ROR1: variants seen among roughly 807,000 people sequenced by gnomAD.
The protein encoded by ROR1 is inactive tyrosine-protein kinase transmembrane receptor ROR1.
ROR1 carries 19 observed loss-of-function variants against 78.8 expected under a neutral mutation model. That is an observed-to-expected ratio of 0.24 (90% CI 0.17 to 0.35). ROR1 has a LOEUF of 0.35. Ranked by LOEUF, ROR1 falls within the 10% of genes least tolerant of loss-of-function variation. ROR1 has a pLI of 1.00. For synonymous variants in ROR1, 386 were observed against 433.6 expected, an observed-to-expected ratio of 0.89 and a Z score of 1.36; for missense variants, 917 against 1,177.8, an observed-to-expected ratio of 0.78 and a Z score of 3.24.
intron 1 of ROR1, among the ~76,000 whole-genome samples, chr1:63,785,146 C>G (rs1644676344): frequency 6.6e-6 from 1 of 152,206 alleles, no homozygotes; most frequent in Non-Finnish European, 1.5e-5. Context: ...AGACAATGTA[C>G]ATGAAAGCAA....
intron 1 of ROR1, chr1:63,775,186 CGCGTGTGTGTGT>C (rs1174775587): frequency 6.6e-6 from 1 of 152,036 alleles, no homozygotes; most frequent in Non-Finnish European, 1.5e-5. Context: ...CGCGCGCGCG[CGCGTGTGTGTGT>C]GCGTGTTACA....
At chr1:63,840,963 G>A (rs528212035) in intron 1 of ROR1, among the ~76,000 whole-genome samples, 7 of 152,272 alleles carry the variant, frequency 4.6e-5, no homozygotes, top group South Asian at 2.1e-4. Flanking sequence ...TGTTTCTAGC[G>A]CTTTAGCACT....
intron 1 of ROR1, among the ~76,000 whole-genome samples, chr1:64,004,766 T>A (rs920854437): frequency 2.0e-5 from 3 of 152,188 alleles, no homozygotes; most frequent in Non-Finnish European, 2.9e-5. Context: ...CAAGGCTTAC[T>A]TTTTCCTTCC....
intron 1 of ROR1, among the ~76,000 whole-genome samples, chr1:63,976,754 T>G (rs192545048): frequency 1.3e-5 from 2 of 152,282 alleles, no homozygotes; most frequent in East Asian, 3.9e-4. Context: ...CCAAAAATCT[T>G]GGGCCAGAAG....
rs1569805841 is a variant in ROR1, at chr1:63,844,089, C to T, written c.91+69581C>T. On this transcript the variant is annotated intron_variant, in intron 1 of 8. Transcript: ENST00000371079. The stretch of plus-strand genomic sequence containing the variant: ...CTCCCTTACTCTCCCAGTGACTTAA[C>T]CTTTGTAGCCTGTTTCCTCATTGCT... Among the ~76,000 whole-genome samples, 6 of 152,296 alleles carry T rather than the reference C, an allele frequency of 3.9e-5. No homozygotes were observed. In the South Asian group the frequency reaches 1.2e-3, roughly 32 times the overall value.
chr1:64,052,591 T>G (rs921038883), intron 4 of ROR1, among the ~76,000 whole-genome samples: 1 of 152,228 alleles, frequency 6.6e-6, no homozygotes, highest in African/African-American at 2.4e-5. Context: ...TGAACCGATA[T>G]CTATGGAGAG....
chr1:63,817,912 C>T (rs1289159466), intron 1 of ROR1, among the ~76,000 whole-genome samples: 1 of 152,148 alleles, frequency 6.6e-6, no homozygotes, highest in Non-Finnish European at 1.5e-5. Flanking sequence ...ACCTCTGAAG[C>T]CCATAGAGAA....
At chr1:64,021,221 C>G (rs1325120297) in intron 2 of ROR1, among the ~76,000 whole-genome samples, 1 of 152,156 alleles carries the variant, frequency 6.6e-6, no homozygotes, top group Admixed American at 6.5e-5. Context: ...TTAAAACTGA[C>G]TTACAAGATT....
intron 1 of ROR1, among the ~76,000 whole-genome samples, chr1:63,795,211 A>C (rs531987175): frequency 6.4e-4 from 98 of 152,252 alleles, no homozygotes; most frequent in Non-Finnish European, 1.2e-3. Context: ...CCCCGCTGAG[A>C]GGGCTCTTGT....
intron 7 of ROR1, among the ~76,000 whole-genome samples, chr1:64,156,708 A>G (rs1032583141): frequency 3.7e-3 from 87 of 23,374 alleles, no homozygotes; most frequent in Non-Finnish European, 5.4e-3. Flanking sequence ...TCCGTCTCAA[A>G]AAAAAAAAAA....
chr1:63,985,046 A>G (rs6700041), intron 1 of ROR1, among the ~76,000 whole-genome samples: 6 of 152,142 alleles, frequency 3.9e-5, no homozygotes, highest in African/African-American at 1.2e-4. Flanking sequence ...CATATATATT[A>G]CTACATACCC....
At chr1:63,909,251 A>G (rs1197382322) in intron 1 of ROR1, among the ~76,000 whole-genome samples, 2 of 152,008 alleles carry the variant, frequency 1.3e-5, no homozygotes, top group East Asian at 3.9e-4. Context: ...CTCTTTTTTA[A>G]CTTAGGAAAC....
chr1:64,099,828 AG>A (rs1202956314), intron 4 of ROR1, among the ~76,000 whole-genome samples: 1 of 151,958 alleles, frequency 6.6e-6, no homozygotes. Flanking sequence ...AGGCCGAGGC[AG>A]GTGGATCACA....
chr1:63,910,992 A>G (rs1017994394), intron 1 of ROR1, among the ~76,000 whole-genome samples: 6 of 151,964 alleles, frequency 3.9e-5, no homozygotes, highest in Admixed American at 3.9e-4. Flanking sequence ...ATTGTTATTG[A>G]CTCTGTCTCT....
At chr1:63,860,829 A>T (rs1645176863) in intron 1 of ROR1, among the ~76,000 whole-genome samples, 1 of 152,050 alleles carries the variant, frequency 6.6e-6, no homozygotes, top group Admixed American at 6.5e-5. Flanking sequence ...GGTGGTAGAC[A>T]CCATTTGAAA....
chr1:64,103,350 AAAGT>A (rs1369960135), intron 4 of ROR1, among the ~76,000 whole-genome samples: 3 of 152,042 alleles, frequency 2.0e-5, no homozygotes, highest in African/African-American at 7.2e-5. Context: ...CAAAAAAAAA[AAAGT>A]AAGGAACTAG....
At chr1:64,080,694 A>T (rs2100630999) in intron 4 of ROR1, among the ~76,000 whole-genome samples, 1 of 152,320 alleles carries the variant, frequency 6.6e-6, no homozygotes, top group African/African-American at 2.4e-5. Context: ...AACATCAGAC[A>T]TTTCCCAATG....
intron 1 of ROR1, among the ~76,000 whole-genome samples, chr1:63,963,967 G>A (rs1001391042): frequency 2.0e-5 from 3 of 152,072 alleles, no homozygotes; most frequent in African/African-American, 7.2e-5. Flanking sequence ...ATTTTTTTGA[G>A]CAAAAGACAC....
At chr1:63,955,233 T>A (rs984553618) in intron 1 of ROR1, among the ~76,000 whole-genome samples, 1 of 152,176 alleles carries the variant, frequency 6.6e-6, no homozygotes, top group Non-Finnish European at 1.5e-5. Context: ...CAGATATTAA[T>A]TTTACTTTTT....
Sources: gnomAD v4.1 joint callset for allele counts (sites outside exome capture counted in the v4.1 genomes callset) on GRCh38, gnomAD v4.1.1 for gene constraint, MANE v1.5 for transcripts, NCBI Gene and HGNC (gene_info 2026-07-23, HGNC 2026-07-21) for gene names.